DMD: variants seen among roughly 807,000 people sequenced by gnomAD.
DMD encodes mutant dystrophin.
A neutral mutation model predicts 330.1 loss-of-function variants in DMD; 63 were observed. The ratio of observed to expected loss-of-function variants is 0.19; its 90% CI spans 0.16 to 0.24. DMD has a LOEUF of 0.24. Among genes scored for constraint, DMD ranks in the 10% least tolerant of loss-of-function variants. The pLI is 1.00. For missense variants in DMD, 3,344 were observed against 2,684.1 expected (o/e 1.25, Z -5.43); for synonymous variants, 1,223 against 959.8 (o/e 1.27, Z -5.07).
chrX:31,235,920 A>T (rs992292395), intron 63 of DMD, among the ~76,000 whole-genome samples: 7 of 112,419 alleles, frequency 6.2e-5, no homozygotes, highest in Non-Finnish European at 1.3e-4. Context: ...TGGCTCACTC[A>T]ACACCCCTTC....
In DMD at chrX:31,291,762, G is replaced by T. The variant is rs151338397; in HGVS notation, c.9225-30746C>A. 9.2e-3 allele frequency among the ~76,000 whole-genome samples: 1,026 copies of T among 111,277 alleles called. 9 individuals are homozygous for T. The highest frequency in any genetic ancestry group is 0.013 in the Non-Finnish European group (688 of 53,040). On this transcript the variant is annotated intron_variant, in intron 62 of 78. Transcript: ENST00000357033. ...GCAATGCTTCCCTACTTGCCTTTAT[G>T]AAACCAGAATAATCCACATACCAAA...
At chrX:32,614,001 G>T (rs182482037) in intron 12 of DMD, among the ~76,000 whole-genome samples, 2 of 110,268 alleles carry the variant, frequency 1.8e-5, no homozygotes, top group Non-Finnish European at 3.8e-5. Context: ...AGAGATAGGA[G>T]AACACTGTGT....
At chrX:32,245,635 C>T (rs2097233074) in intron 43 of DMD, among the ~76,000 whole-genome samples, 1 of 46,517 alleles carries the variant, frequency 2.1e-5, no homozygotes, top group Non-Finnish European at 3.5e-5. Flanking sequence ...TCTTTTATTT[C>T]CTTGAGCAGT....
At chrX:33,174,671 AC>A (rs1204408757) in intron 1 of DMD, among the ~76,000 whole-genome samples, 1 of 111,605 alleles carries the variant, frequency 9.0e-6, no homozygotes, top group African/African-American at 3.3e-5. Context: ...TAAACTTCAA[AC>A]AAGAAAAAAA....
Position 31,836,799 on chromosome X carries a change from T to G in DMD, c.7119A>C (p.Gln2373His). The G allele has an allele frequency of 8.3e-7, 1 of 1,210,943 alleles. No individual in the cohort carries two copies. The highest frequency in any genetic ancestry group is 1.1e-6 in the Non-Finnish European group (1 of 894,688). The change falls in exon 49 of 79, where the codon CAA becomes CAC. Residue 2373 changes from glutamine (Q) to histidine (H), a missense_variant. Transcript: ENST00000357033. ...FDVKETEIAV[Q>H]AKQPDVEEIL... ...TCTCTTCCACATCCGGTTGTTTAGC[T>G]TGAACTGCTATTTCAGTTTCCTGGG... is the stretch of plus-strand genomic sequence containing the variant.
At chrX:33,174,999 T>C (rs2049572654) in intron 1 of DMD, among the ~76,000 whole-genome samples, 1 of 111,910 alleles carries the variant, frequency 8.9e-6, no homozygotes, top group African/African-American at 3.2e-5. Flanking sequence ...TCCTTCAAGG[T>C]TGGCTTAGCT....
At chrX:32,293,882 T>C (rs1332147564) in intron 42 of DMD, among the ~76,000 whole-genome samples, 2 of 111,860 alleles carry the variant, frequency 1.8e-5, no homozygotes, top group Non-Finnish European at 3.8e-5. Flanking sequence ...CTGTTATTAA[T>C]GCCCTAAAAG....
At chrX:32,751,712 C>T (rs889979177) in intron 7 of DMD, among the ~76,000 whole-genome samples, 6 of 112,156 alleles carry the variant, frequency 5.3e-5, no homozygotes, top group African/African-American at 1.9e-4. Context: ...CGTCAGAGAC[C>T]TTTGTGGCAG....
At chrX:32,544,727 C>G (rs228369) in intron 17 of DMD, among the ~76,000 whole-genome samples, 33,521 of 108,873 alleles carry the variant, frequency 0.31, 4,275 homozygotes, top group East Asian at 0.53. Context: ...TCGTAAACTA[C>G]CAGGATGGAT....
intron 60 of DMD, among the ~76,000 whole-genome samples, chrX:31,373,468 A>G (rs1449425193): frequency 9.8e-6 from 1 of 102,132 alleles, no homozygotes; most frequent in Non-Finnish European, 2.0e-5. Context: ...GTACCAAAAC[A>G]GAGACATAGA....
At chrX:32,331,497 C>T (rs1569558148) in intron 41 of DMD, among the ~76,000 whole-genome samples, 3 of 111,251 alleles carry the variant, frequency 2.7e-5, no homozygotes, top group African/African-American at 9.8e-5. Context: ...ATATATTAAT[C>T]ATAGATTTTG....
intron 1 of DMD, among the ~76,000 whole-genome samples, chrX:33,269,476 T>A (rs1225843992): frequency 9.0e-6 from 1 of 111,033 alleles, no homozygotes; most frequent in South Asian, 3.9e-4. Context: ...AAAAGCTACC[T>A]ATTGGGTACT....
At chrX:33,010,141 CGT>C (rs1261905723) in intron 2 of DMD, among the ~76,000 whole-genome samples, 3 of 92,693 alleles carry the variant, frequency 3.2e-5, no homozygotes, top group South Asian at 4.6e-4. Context: ...TGTATATATA[CGT>C]GTATATATAC....
At chrX:31,966,161 C>A (rs184492030) in intron 45 of DMD, among the ~76,000 whole-genome samples, 87 of 111,272 alleles carry the variant, frequency 7.8e-4, no homozygotes, top group Non-Finnish European at 1.4e-3. Context: ...TAAATAACTT[C>A]TATTCCCTTC....
At chrX:31,966,979 GTATTCAATTTTTTTAA>G (rs1286078871) in intron 45 of DMD, among the ~76,000 whole-genome samples, 21 of 109,948 alleles carry the variant, frequency 1.9e-4, no homozygotes, top group African/African-American at 6.9e-4. Context: ...TTATAGTATG[GTATTCAATTTTTTTAA>G]TTTTCTCATT....
chrX:31,355,871 A>AAT (rs2058655103), intron 60 of DMD, among the ~76,000 whole-genome samples: 1 of 96,239 alleles, frequency 1.0e-5, no homozygotes, highest in Non-Finnish European at 2.1e-5. Flanking sequence ...AAAAAATAAT[A>AAT]AAAAAAAAAA....
chrX:32,620,503 A>T (rs769151845), intron 11 of DMD, among the ~76,000 whole-genome samples: 4 of 112,609 alleles, frequency 3.6e-5, no homozygotes, highest in African/African-American at 1.3e-4. Context: ...GGAACATTGC[A>T]ATCAGAAGTT....
chrX:32,474,586 T>G (rs781179184), intron 21 of DMD, among the ~76,000 whole-genome samples: 1 of 112,052 alleles, frequency 8.9e-6, no homozygotes, highest in Non-Finnish European at 1.9e-5. Flanking sequence ...CACATGGTGG[T>G]TTTGATTTGC....
intron 50 of DMD, among the ~76,000 whole-genome samples, chrX:31,790,080 A>AT (rs2091497457): frequency 8.9e-6 from 1 of 112,182 alleles, no homozygotes; most frequent in African/African-American, 3.2e-5. Flanking sequence ...GCTATACTTA[A>AT]TAACTATTTC....
Sources: gnomAD v4.1 joint callset for allele counts (sites outside exome capture counted in the v4.1 genomes callset) on GRCh38, gnomAD v4.1.1 for gene constraint, MANE v1.5 for transcripts, NCBI Gene and HGNC (gene_info 2026-07-23, HGNC 2026-07-21) for gene names.